Variants in PRKCA observed in about 807,000 individuals in gnomAD.
PRKCA encodes the protein protein kinase C alpha.
PRKCA carries 27 observed loss-of-function variants against 87.0 expected under a neutral mutation model. That is an observed-to-expected ratio of 0.31 (90% CI 0.23 to 0.43). The LOEUF (loss-of-function observed/expected upper bound fraction) is 0.43. Ranked by LOEUF, PRKCA falls within the 20% of genes least tolerant of loss-of-function variation. The probability of loss-of-function intolerance (pLI) is 1.00; values close to 1 mark genes in which losing one functional copy is unlikely to be tolerated. For missense variants in PRKCA, 518 were observed against 852.3 expected (o/e 0.61, Z 4.88); for synonymous variants, 329 against 311.1 (o/e 1.06, Z -0.61).
At chr17:66,522,315 T>A (rs9908953) in intron 3 of PRKCA, among the ~76,000 whole-genome samples, 14 of 152,028 alleles carry the variant, frequency 9.2e-5, no homozygotes, top group African/African-American at 2.9e-4. Context: ...TTTTTTTCAC[T>A]TCTTGCAGTT....
chr17:66,566,201 A>G (rs1968884381), intron 3 of PRKCA, among the ~76,000 whole-genome samples: 1 of 152,080 alleles, frequency 6.6e-6, no homozygotes, highest in African/African-American at 2.4e-5. Context: ...AGATCTGCTG[A>G]TGATACCTGG....
At chr17:66,573,262 T>G (rs1969131835) in intron 3 of PRKCA, among the ~76,000 whole-genome samples, 1 of 152,170 alleles carries the variant, frequency 6.6e-6, no homozygotes. Context: ...ACTCCTGAAA[T>G]GCCTTTTCAT....
chr17:66,612,644 G>A (rs998721634), intron 3 of PRKCA, among the ~76,000 whole-genome samples: 1 of 151,550 alleles, frequency 6.6e-6, no homozygotes, highest in Non-Finnish European at 1.5e-5. Flanking sequence ...CATTGAGAAC[G>A]TTCTGATATT....
chr17:66,777,509 C>T (rs1472497513), intron 14 of PRKCA: 17 of 981,028 alleles, frequency 1.7e-5, no homozygotes, highest in Non-Finnish European at 1.9e-5. Context: ...ACACAGTCAC[C>T]ATCAGTGAGT....
chr17:66,635,202 G>A (rs1971118372), intron 3 of PRKCA, among the ~76,000 whole-genome samples: 1 of 152,198 alleles, frequency 6.6e-6, no homozygotes, highest in Non-Finnish European at 1.5e-5. Flanking sequence ...AGATGTCCAG[G>A]TTTATAGATG....
At chr17:66,318,730 CTGTAA>C (rs1905465224) in intron 2 of PRKCA, among the ~76,000 whole-genome samples, 1 of 152,014 alleles carries the variant, frequency 6.6e-6, no homozygotes, top group Non-Finnish European at 1.5e-5. Flanking sequence ...TGGCGGGTGC[CTGTAA>C]TCCCAGTTAC....
intron 2 of PRKCA, among the ~76,000 whole-genome samples, chr17:66,466,551 C>G (rs1259754286): frequency 6.6e-6 from 1 of 152,158 alleles, no homozygotes; most frequent in Non-Finnish European, 1.5e-5. Context: ...ATGGAAGAAA[C>G]TTCTTGGCAA....
chr17:66,379,249 G>A (rs1469414077), intron 2 of PRKCA, among the ~76,000 whole-genome samples: 5 of 152,110 alleles, frequency 3.3e-5, no homozygotes, highest in African/African-American at 9.7e-5. Context: ...CCAAAGAAGC[G>A]GCCCCATTTT....
chr17:66,683,435 G>A (rs966409809), intron 5 of PRKCA, among the ~76,000 whole-genome samples: 4 of 152,236 alleles, frequency 2.6e-5, no homozygotes, highest in African/African-American at 7.2e-5. Flanking sequence ...AAAGATCCTG[G>A]TGCCTGGGTG....
At chr17:66,669,208 G>A (rs776018724) in intron 5 of PRKCA, among the ~76,000 whole-genome samples, 5 of 152,060 alleles carry the variant, frequency 3.3e-5, no homozygotes, top group Non-Finnish European at 7.4e-5. Flanking sequence ...AAATGATAGT[G>A]GGCTATATAA....
chr17:66,532,059 G>A (rs1967561150), intron 3 of PRKCA, among the ~76,000 whole-genome samples: 1 of 152,034 alleles, frequency 6.6e-6, no homozygotes, highest in South Asian at 2.1e-4. Context: ...CCACTGCTGA[G>A]CAGATCAGGG....
chr17:66,705,669 C>A (rs1220039425), intron 8 of PRKCA, among the ~76,000 whole-genome samples: 1 of 152,096 alleles, frequency 6.6e-6, no homozygotes, highest in Admixed American at 6.5e-5. Flanking sequence ...GCAAATGTCC[C>A]CAGGCCCTGG....
chr17:66,412,173 G>A (rs1911851183), intron 2 of PRKCA, among the ~76,000 whole-genome samples: 1 of 151,916 alleles, frequency 6.6e-6, no homozygotes, highest in Non-Finnish European at 1.5e-5. Flanking sequence ...CTGAGCTCAG[G>A]TGATCCTCCC....
chr17:66,361,021 C>T (rs1342214105), intron 2 of PRKCA, among the ~76,000 whole-genome samples: 2 of 151,414 alleles, frequency 1.3e-5, no homozygotes, highest in African/African-American at 2.4e-5. Flanking sequence ...CAAATTTAGC[C>T]TTCAACAAGC....
intron 3 of PRKCA, among the ~76,000 whole-genome samples, chr17:66,609,666 G>A (rs1970297451): frequency 6.6e-6 from 1 of 152,056 alleles, no homozygotes; most frequent in Non-Finnish European, 1.5e-5. Flanking sequence ...ACGTGAGGAG[G>A]AAAGAAAGAG....
chr17:66,359,666 G>A (rs978218094), intron 2 of PRKCA, among the ~76,000 whole-genome samples: 6 of 152,140 alleles, frequency 3.9e-5, no homozygotes, highest in African/African-American at 1.4e-4. Flanking sequence ...GTAAGTTGAA[G>A]GATGTTGACA....
intron 2 of PRKCA, among the ~76,000 whole-genome samples, chr17:66,400,192 C>T (rs1910937296): frequency 6.6e-6 from 1 of 152,144 alleles, no homozygotes; most frequent in Admixed American, 6.5e-5. Context: ...AGCTCTGTCG[C>T]CCAGGCTGGA....
At chr17:66,798,407 A>ACGGTGGTGGTGGTGG (rs1975726960) in intron 16 of PRKCA, among the ~76,000 whole-genome samples, 2 of 47,534 alleles carry the variant, frequency 4.2e-5, no homozygotes, top group African/African-American at 2.1e-4. Flanking sequence ...GGTGGTGGTG[A>ACGGTGGTGGTGGTGG]TGGTGATGGT....
chr17:66,554,448 G>A, intron 3 of PRKCA: 2 of 637,650 alleles, frequency 3.1e-6, no homozygotes, highest in Non-Finnish European at 3.9e-6. Context: ...TCCCATTGGG[G>A]CCTGTGTTTC....
Sources: allele counts gnomAD v4.1 joint callset (sites outside exome capture counted in the v4.1 genomes callset), GRCh38; gene constraint gnomAD v4.1.1; transcripts MANE v1.5; gene names NCBI Gene and HGNC (gene_info 2026-07-23, HGNC 2026-07-21).